Variants in KMT5B observed in about 807,000 individuals in gnomAD.
KMT5B encodes lysine methyltransferase 5B.
In KMT5B, 10 loss-of-function variants were observed where a neutral mutation model predicts 83.2. The observed-to-expected ratio is 0.12, with a 90% CI of 0.07 to 0.20. The LOEUF is 0.20. KMT5B is among the 10% of genes least tolerant of loss of function. KMT5B has a pLI of 1.00. For missense variants in KMT5B, 753 were observed against 1,067.2 expected (o/e 0.71, Z 4.10); for synonymous variants, 349 against 388.8 (o/e 0.90, Z 1.20).
intron 1 of KMT5B, among the ~76,000 whole-genome samples, chr11:68,209,707 T>C (rs898497670): frequency 6.6e-6 from 1 of 152,164 alleles, no homozygotes; most frequent in African/African-American, 2.4e-5. Context: ...AACAAATTGC[T>C]TTCCTAAACT....
chr11:68,191,886 T>C (rs1359816264), intron 1 of KMT5B, among the ~76,000 whole-genome samples: 1 of 152,230 alleles, frequency 6.6e-6, no homozygotes, highest in African/African-American at 2.4e-5. Flanking sequence ...CCAGAGCAAC[T>C]TCAAATCCTG....
intron 9 of KMT5B, among the ~76,000 whole-genome samples, chr11:68,168,453 A>G (rs1039278212): frequency 1.3e-4 from 19 of 151,262 alleles, no homozygotes; most frequent in Admixed American, 1.3e-3. Flanking sequence ...CTCCTGCTTC[A>G]GCCTCCTGAG....
At chr11:68,170,974 AC>A (rs761119693) in intron 9 of KMT5B, 40 bp downstream of exon 9, 1 of 1,553,424 alleles carries the variant, frequency 6.4e-7, no homozygotes, top group Admixed American at 2.3e-5. Context: ...CAGGTTGTTA[AC>A]AAAAAATGTT....
chr11:68,179,583 G>C, intron 4 of KMT5B: 1 of 1,303,934 alleles, frequency 7.7e-7, no homozygotes. Flanking sequence ...CTGTGCTACT[G>C]TGCCCTTCAT....
chr11:68,164,359 G>A (rs914038019), intron 10 of KMT5B, among the ~76,000 whole-genome samples: 5 of 152,142 alleles, frequency 3.3e-5, no homozygotes, highest in Non-Finnish European at 7.3e-5. Context: ...AAAGCACTCC[G>A]CAAACACATA....
intron 3 of KMT5B, among the ~76,000 whole-genome samples, chr11:68,181,857 G>T (rs967437886): frequency 6.6e-6 from 1 of 152,148 alleles, no homozygotes. Context: ...AAAAGCACAC[G>T]TAAACGGAAC....
intron 10 of KMT5B, among the ~76,000 whole-genome samples, chr11:68,163,971 C>T (rs1378976948): frequency 6.6e-6 from 1 of 152,136 alleles, no homozygotes; most frequent in Non-Finnish European, 1.5e-5. Context: ...TGCAGAGACC[C>T]GTGTCCGCAT....
chr11:68,181,549 G>A (rs1223761577), intron 3 of KMT5B, among the ~76,000 whole-genome samples: 1 of 152,186 alleles, frequency 6.6e-6, no homozygotes, highest in Non-Finnish European at 1.5e-5. Context: ...TAAAATCCAA[G>A]AGCAGTACAT....
intron 1 of KMT5B, among the ~76,000 whole-genome samples, chr11:68,203,196 G>T (rs1429010248): frequency 6.6e-6 from 1 of 151,884 alleles, no homozygotes; most frequent in African/African-American, 2.4e-5. Flanking sequence ...GGCTGGTCTC[G>T]AACTCCTGAC....
Position 68,180,210 on chromosome 11 carries a change from T to C in KMT5B, c.309-10A>G, listed in dbSNP as rs149210766. ...CCTCGAAGGAAAGGCGCTATATAAATGCAAAAACAAACAACAAAAATAAAA... is the reference window on the plus strand; with the variant it reads ...CCTCGAAGGAAAGGCGCTATATAAACGCAAAAACAAACAACAAAAATAAAA... On this transcript the variant is annotated splice_polypyrimidine_tract_variant and intron_variant, in intron 3 of 10. Coordinates refer to ENST00000304363, the MANE Select transcript of KMT5B (RefSeq NM_017635.5). The C allele has an allele frequency of 1.7e-5, 26 of 1,563,264 alleles. No individual in the cohort carries two copies. The East Asian group carries it at 5.5e-4, about 33-fold the overall frequency.
intron 1 of KMT5B, among the ~76,000 whole-genome samples, chr11:68,193,088 A>T (rs1858282539): frequency 6.6e-6 from 1 of 152,196 alleles, no homozygotes; most frequent in African/African-American, 2.4e-5. Context: ...CATTAGTACA[A>T]GTCAGACTAA....
chr11:68,190,013 A>G lies in KMT5B; in HGVS notation c.64T>C (p.Ser22Pro). 6.2e-7 allele frequency: 1 copy of G among 1,614,106 alleles called. No individual in the cohort carries two copies. The highest frequency in any genetic ancestry group is 1.1e-5 in the South Asian group (1 of 91,084). The change falls in exon 2 of 11, where the codon TCT becomes CCT. Residue 22 changes from serine (S) to proline (P), a missense_variant. Coordinates refer to ENST00000304363, the MANE Select transcript of KMT5B (RefSeq NM_017635.5). ...GATTGATTCTGCTGATGGTCATTAG[A>G]CAACTTGCCTCCATTTCTCCTGCCA... is the stretch of plus-strand genomic sequence containing the variant. ...VNGRRNGGKL[S>P]NDHQQNQSKL...
intron 10 of KMT5B, chr11:68,165,911 C>T: frequency 6.2e-7 from 1 of 1,612,864 alleles, no homozygotes; most frequent in Non-Finnish European, 8.5e-7. Context: ...GTGACATTCA[C>T]CATCATGGGA....
rs1855861200 is a variant in KMT5B, at chr11:68,171,823, A to G, written c.654-114T>C. ...AGAAACTGAAAAGGCCTAGCTGTCT[A>G]TACTTTAGTTAGCTCACTGGGATCC... On this transcript the variant is annotated intron_variant, in intron 6 of 10. Coordinates refer to ENST00000304363, the MANE Select transcript of KMT5B (RefSeq NM_017635.5). This position sits in a 1 kb window ranked among gnomAD's most constrained non-coding sequence, Gnocchi z 5.1. The G allele has an allele frequency of 1.1e-6, 1 of 875,520 alleles. No homozygotes were observed. The highest frequency in any genetic ancestry group is 1.7e-6 in the Non-Finnish European group (1 of 578,998). 54.2% of individuals were successfully genotyped at this position (875,520 alleles called of 1,614,324 possible). A position where few individuals can be genotyped will look rare whatever the true frequency, so the allele number is the denominator to read the frequency against.
rs755013136 is a variant in KMT5B, at chr11:68,167,136, C to T, written c.1020G>A (p.Ala340=). The change falls in exon 10 of 11, where the codon GCG becomes GCA. Residue 340 remains alanine, a synonymous_variant. Transcript: ENST00000304363. ...GAFKSRVGLP[A]PAPVINSKYG... is the part of the protein sequence containing the mutation. ...ATTTGCTATTGATAACAGGAGCAGG[C>T]GCAGGCAGTCCCACTCTGGATTTAA... 8 of 1,613,542 alleles carry T rather than the reference C, an allele frequency of 5.0e-6. No homozygotes were observed. Among genetic ancestry groups the T allele is most frequent in the South Asian group, 4.4e-5 (4 of 91,000 alleles).
At chr11:68,200,215 G>A (rs371463494) in intron 1 of KMT5B, among the ~76,000 whole-genome samples, 1 of 152,204 alleles carries the variant, frequency 6.6e-6, no homozygotes. Flanking sequence ...TGAAGTCCAA[G>A]GACTGGGTGT....
chr11:68,157,864 C>A lies in KMT5B; in HGVS notation c.2482G>T (p.Asp828Tyr). ...YSQYEEESTD[D>Y]SSSSEGDEEE... is the part of the protein sequence containing the mutation. ...TCATCGCCCTCAGAAGAGGAGGAAT[C>A]ATCTGTACTTTCTTCCTCATACTGA... Residue 828 changes from aspartate to tyrosine, a missense_variant, in exon 11 of 11, where the codon GAT (aspartate) becomes TAT (tyrosine). This residue lies in a region of KMT5B where 161 missense variants were observed against 195.1 expected (regional missense o/e 0.83). Coordinates refer to ENST00000304363, the MANE Select transcript of KMT5B (RefSeq NM_017635.5). The A allele has an allele frequency of 6.2e-7, 1 of 1,614,006 alleles. No homozygotes were observed. Among genetic ancestry groups the A allele is most frequent in the Non-Finnish European group, 8.5e-7 (1 of 1,179,944 alleles).
Position 68,157,863 on chromosome 11 carries a change from T to C in KMT5B, c.2483A>G (p.Asp828Gly). Residue 828 changes from aspartate to glycine, a missense_variant, in exon 11 of 11, where the codon GAT (aspartate) becomes GGT (glycine). By Grantham distance (94) the Asp-to-Gly change is moderately conservative (BLOSUM62 -1). Coordinates refer to ENST00000304363, the MANE Select transcript of KMT5B (RefSeq NM_017635.5). ...TTCATCGCCCTCAGAAGAGGAGGAA[T>C]CATCTGTACTTTCTTCCTCATACTG... ...YSQYEEESTDDSSSSEGDEEE... is the reference protein window; with the variant it reads ...YSQYEEESTDGSSSSEGDEEE... 2 of 1,613,948 alleles carry C rather than the reference T, an allele frequency of 1.2e-6. No individual in the cohort carries two copies. Among genetic ancestry groups the C allele is most frequent in the Non-Finnish European group, 8.5e-7 (1 of 1,179,906 alleles).
intron 3 of KMT5B, among the ~76,000 whole-genome samples, chr11:68,184,178 C>T (rs1208029859): frequency 6.6e-6 from 1 of 150,996 alleles, no homozygotes; most frequent in Non-Finnish European, 1.5e-5. Context: ...TCAAGACCAG[C>T]CTGGTCAACA....
Sources: gnomAD v4.1 joint callset for allele counts (sites outside exome capture counted in the v4.1 genomes callset) on GRCh38, gnomAD v4.1.1 for gene constraint, gnomAD v4.1.1 regional missense constraint, Gnocchi (gnomAD v3.1) non-coding constraint, MANE v1.5 for transcripts, NCBI Gene and HGNC (gene_info 2026-07-23, HGNC 2026-07-21) for gene names.